Variants in FHAD1 observed in about 807,000 individuals in gnomAD.
FHAD1 encodes the protein forkhead associated phosphopeptide binding domain 1.
In FHAD1, 146 loss-of-function variants were observed where a neutral mutation model predicts 191.3. The observed-to-expected ratio is 0.76, with a 90% CI of 0.67 to 0.88. FHAD1 has a LOEUF of 0.88. Among genes scored for constraint, FHAD1 ranks in the 40% least tolerant of loss-of-function variants. The pLI, the probability that FHAD1 is intolerant of heterozygous loss-of-function variation, is 0.00. For synonymous variants in FHAD1, 616 were observed against 672.3 expected (o/e 0.92, Z 1.29); for missense variants, 1,635 against 1,785.8 (o/e 0.92, Z 1.52).
intron 7 of FHAD1, among the ~76,000 whole-genome samples, chr1:15,310,687 G>A (rs975643457): frequency 3.3e-5 from 5 of 152,136 alleles, no homozygotes; most frequent in African/African-American, 4.8e-5. Flanking sequence ...CAAGCCTCCC[G>A]GCTGCTGCTT....
Position 15,327,081 on chromosome 1 carries a change from T to C in FHAD1, c.1496T>C (p.Val499Ala), listed in dbSNP as rs1679001929. The C allele has an allele frequency of 6.4e-7, 1 of 1,550,966 alleles. No homozygotes were observed. The highest frequency in any genetic ancestry group is 8.7e-7 in the Non-Finnish European group (1 of 1,146,768). Reference sequence around the variant, plus strand: ...CAGCTGGAGCACTTCAGAAGTCAAGTCATCAAGGCCACCTATGGACGGGCG... The same window carrying C: ...CAGCTGGAGCACTTCAGAAGTCAAGCCATCAAGGCCACCTATGGACGGGCG... Reference protein sequence around the residue: ...VGQLEHFRSQVIKATYGRAKP... With the variant: ...VGQLEHFRSQAIKATYGRAKP... The change falls in exon 12 of 34, where the codon GTC becomes GCC. Residue 499 changes from valine (V) to alanine (A), a missense_variant. Transcript: ENST00000688493. The surrounding 1 kb of genome is among the most constrained non-coding windows in gnomAD (Gnocchi z 5.1).
chr1:15,321,657 A>G (rs1173817811), intron 10 of FHAD1, among the ~76,000 whole-genome samples: 1 of 152,200 alleles, frequency 6.6e-6, no homozygotes, highest in Non-Finnish European at 1.5e-5. Context: ...CATCTAGATC[A>G]TTTTTCTTCA....
intron 6 of FHAD1, among the ~76,000 whole-genome samples, chr1:15,302,525 A>G (rs1304983268): frequency 6.6e-6 from 1 of 152,158 alleles, no homozygotes; most frequent in African/African-American, 2.4e-5. Flanking sequence ...GGAGATCAAG[A>G]CCATCCTGGC....
Position 15,362,576 on chromosome 1 carries a change from G to A in FHAD1, c.2963-66G>A, listed in dbSNP as rs568694145. The A allele has an allele frequency of 1.4e-4, 183 of 1,295,060 alleles. 2 individuals carry two copies. The South Asian group carries it at 2.3e-3, about 16-fold the overall frequency. 80.2% of individuals were successfully genotyped at this position (1,295,060 alleles called of 1,614,324 possible). A position where few individuals can be genotyped will look rare whatever the true frequency, so the allele number is the denominator to read the frequency against. On this transcript the variant is annotated intron_variant, in intron 22 of 33. Transcript: ENST00000688493. ...GGTTTGTAAGTTGTGAAAGACACAG[G>A]TGTGCTTGTAAGCAAAGGGGAAGGA...
At chr1:15,363,119 C>T (rs1695335339) in intron 23 of FHAD1, among the ~76,000 whole-genome samples, 1 of 152,058 alleles carries the variant, frequency 6.6e-6, no homozygotes, top group South Asian at 2.1e-4. Context: ...CTGAGAAGTC[C>T]CAGGTTGAGG....
At chr1:15,258,375 A>C (rs1649317554) in intron 2 of FHAD1, among the ~76,000 whole-genome samples, 1 of 152,064 alleles carries the variant, frequency 6.6e-6, no homozygotes, top group Non-Finnish European at 1.5e-5. Context: ...TGACTGGCTT[A>C]TTTCACTTGG....
intron 3 of FHAD1, among the ~76,000 whole-genome samples, chr1:15,279,163 T>C (rs1659580020): frequency 6.6e-6 from 1 of 152,210 alleles, no homozygotes; most frequent in Non-Finnish European, 1.5e-5. Flanking sequence ...TGCATGATTA[T>C]AGCCTGGTGG....
chr1:15,332,752 C>T (rs560819176), intron 14 of FHAD1, among the ~76,000 whole-genome samples: 1 of 152,238 alleles, frequency 6.6e-6, no homozygotes, highest in South Asian at 2.1e-4. Context: ...GTTAAGCTTT[C>T]AGGCCAGTAA....
At chr1:15,367,050 G>GT (rs1175073013) in intron 24 of FHAD1, among the ~76,000 whole-genome samples, 1 of 152,094 alleles carries the variant, frequency 6.6e-6, no homozygotes, top group South Asian at 2.1e-4. Flanking sequence ...TATGGCTGAG[G>GT]TTTTTTTGTA....
At chr1:15,348,027 C>G (rs1176836549) in intron 18 of FHAD1, among the ~76,000 whole-genome samples, 1 of 152,168 alleles carries the variant, frequency 6.6e-6, no homozygotes, top group Admixed American at 6.5e-5. Context: ...ACCCTAAGTC[C>G]CTAGGAAGTG....
Position 15,318,005 on chromosome 1 carries a change from T to C in FHAD1, c.1365+77T>C. ...TCATCATCCCTGTTAGTCCTCTAAG[T>C]GGACTATGCTGGTATTAACCCTTCT... On this transcript the variant is annotated intron_variant, in intron 10 of 33. Coordinates refer to ENST00000688493, the MANE Select transcript of FHAD1 (RefSeq NM_001391957.1). The surrounding 1 kb of genome is among the most constrained non-coding windows in gnomAD (Gnocchi z 4.1). The C allele has an allele frequency of 1.1e-6, 1 of 898,412 alleles. No homozygotes were observed. The highest frequency in any genetic ancestry group is 1.8e-6 in the Non-Finnish European group (1 of 564,710). 55.7% of individuals were successfully genotyped at this position (898,412 alleles called of 1,614,324 possible).
At position 15,362,721 on chromosome 1, in the gene FHAD1, T is replaced by A. The variant is rs1558233330; in HGVS notation, c.3042T>A (p.His1014Gln). 2 of 1,551,452 alleles carry A rather than the reference T, an allele frequency of 1.3e-6. No individual in the cohort carries two copies. The change falls in exon 23 of 34, where the codon CAT (histidine) becomes CAA (glutamine). Residue 1014 changes from histidine (H) to glutamine (Q), a missense_variant. Coordinates refer to ENST00000688493, the MANE Select transcript of FHAD1 (RefSeq NM_001391957.1). The part of the protein sequence containing the change: ...ESSAKDMAYE[H>Q]LIDDLLAAQK... ...GTGCCAAAGACATGGCGTACGAACATCTGATGTGAGTACCCGTGGGTGTGT... is the reference window on the plus strand; with the variant it reads ...GTGCCAAAGACATGGCGTACGAACAACTGATGTGAGTACCCGTGGGTGTGT...
In FHAD1 at chr1:15,316,301, C is replaced by T; in HGVS notation, c.1171-77C>T. 1.7e-6 allele frequency: 2 copies of T among 1,155,262 alleles called. No homozygotes were observed. The highest frequency in any genetic ancestry group is 2.5e-6 in the Non-Finnish European group (2 of 792,636). The allele number at this position is 1,155,262 out of a possible 1,614,324, so 71.6% of individuals were successfully genotyped here. A position where few individuals can be genotyped will look rare whatever the true frequency, so the allele number is the denominator to read the frequency against. ...AATGCTCTCAGGGGCTCACATGGGG[C>T]CTTGGAGCCCCTCCTTCCCCCGACA... On this transcript the variant is annotated intron_variant, in intron 8 of 33. Coordinates refer to ENST00000688493, the MANE Select transcript of FHAD1 (RefSeq NM_001391957.1). This position sits in a 1 kb window ranked among gnomAD's most constrained non-coding sequence, Gnocchi z 4.3.
chr1:15,308,512 C>A, intron 6 of FHAD1, 101 bp from the exon 7 acceptor site: 1 of 1,483,688 alleles, frequency 6.7e-7, no homozygotes, highest in Non-Finnish European at 9.0e-7. Context: ...ACACCCCAGC[C>A]AAAACTCAAT....
At chr1:15,338,660 C>T (rs1338202187) in intron 14 of FHAD1, among the ~76,000 whole-genome samples, 1 of 152,140 alleles carries the variant, frequency 6.6e-6, no homozygotes, top group African/African-American at 2.4e-5. Flanking sequence ...TCCCCCGGCT[C>T]TCTGAATTCT....
chr1:15,262,259 A>G (rs1651422120), intron 2 of FHAD1, among the ~76,000 whole-genome samples: 1 of 152,316 alleles, frequency 6.6e-6, no homozygotes, highest in East Asian at 1.9e-4. Flanking sequence ...TCTGCGCATA[A>G]TAGTGAACAT....
intron 2 of FHAD1, among the ~76,000 whole-genome samples, chr1:15,261,931 A>G (rs1419846450): frequency 6.6e-6 from 1 of 152,106 alleles, no homozygotes; most frequent in Admixed American, 6.6e-5. Flanking sequence ...CCAGGGGTTC[A>G]AGGCTGTATT....
chr1:15,244,720 A>G (rs1382144248), upstream of FHAD1, among the ~76,000 whole-genome samples: 2 of 152,220 alleles, frequency 1.3e-5, no homozygotes, highest in African/African-American at 4.8e-5. The surrounding 1 kb of genome is among the most constrained non-coding windows in gnomAD (Gnocchi z 5.1). Flanking sequence ...ATGAAAAAAG[A>G]AATTCCTGCT....
intron 3 of FHAD1, among the ~76,000 whole-genome samples, chr1:15,283,355 A>G (rs983020839): frequency 6.6e-6 from 1 of 152,108 alleles, no homozygotes; most frequent in Non-Finnish European, 1.5e-5. Context: ...ATCCTGGCCA[A>G]TTTCAAGCTT....
Sources: gnomAD v4.1 joint callset for allele counts (sites outside exome capture counted in the v4.1 genomes callset) on GRCh38, gnomAD v4.1.1 for gene constraint, Gnocchi (gnomAD v3.1) non-coding constraint, MANE v1.5 for transcripts, NCBI Gene and HGNC (gene_info 2026-07-23, HGNC 2026-07-21) for gene names.